Variants in NMD3 observed in about 807,000 individuals in gnomAD.
NMD3 encodes the protein NMD3 ribosome export adaptor.
Under a neutral mutation model 73.1 loss-of-function variants are expected in NMD3, and 47 were observed. The ratio of observed to expected loss-of-function variants is 0.64; its 90% CI spans 0.51 to 0.82. The LOEUF is 0.82. NMD3 is among the 40% of genes least tolerant of loss of function. The pLI is 0.00. For missense variants in NMD3, 554 were observed against 612.5 expected (o/e 0.90, Z 1.01); for synonymous variants, 210 against 194.5 (o/e 1.08, Z -0.66).
rs1233424071 is a variant in NMD3, at chr3:161,251,120, T to C, written c.*210T>C. On this transcript the variant is annotated 3_prime_UTR_variant, in exon 16 of 16. Coordinates refer to ENST00000351193, the MANE Select transcript of NMD3 (RefSeq NM_015938.5). ...TAAGGAAAGATTATGGAGAATGTAGTTGTTATTGATTTTTGGCAATTTTAC... is the reference window on the plus strand; with the variant it reads ...TAAGGAAAGATTATGGAGAATGTAGCTGTTATTGATTTTTGGCAATTTTAC... The C allele has an allele frequency of 1.6e-5, 6 of 385,572 alleles. No homozygotes were observed. Among genetic ancestry groups the C allele is most frequent in the Admixed American group, 8.4e-5 (2 of 23,946 alleles). The allele number at this position is 385,572 out of a possible 1,614,324, so 23.9% of individuals were successfully genotyped here.
chr3:161,246,788 A>G (rs1223353247), intron 12 of NMD3, among the ~76,000 whole-genome samples: 2 of 152,332 alleles, frequency 1.3e-5, no homozygotes, highest in South Asian at 2.1e-4. Context: ...CACTTTTAAG[A>G]TATGACAACT....
At chr3:161,224,459 C>T (rs1315739729) in intron 2 of NMD3, among the ~76,000 whole-genome samples, 1 of 152,212 alleles carries the variant, frequency 6.6e-6, no homozygotes, top group South Asian at 2.1e-4. Context: ...TATTCTTTAT[C>T]TACTGCATCT....
chr3:161,246,940 T>G (rs555724240), intron 12 of NMD3, among the ~76,000 whole-genome samples: 14 of 152,072 alleles, frequency 9.2e-5, no homozygotes, highest in Admixed American at 3.3e-4. Flanking sequence ...GGTGTTTTTT[T>G]TTTGTTTGTT....
At chr3:161,229,311 T>C (rs559076605) in intron 4 of NMD3, among the ~76,000 whole-genome samples, 13 of 152,328 alleles carry the variant, frequency 8.5e-5, no homozygotes, top group Admixed American at 2.0e-4. Flanking sequence ...TGTTTAAGTT[T>C]TTGTAATAAT....
intron 7 of NMD3, 121 bp from the exon 8 acceptor site, chr3:161,237,992 T>A: frequency 1.5e-6 from 1 of 660,762 alleles, no homozygotes; most frequent in Admixed American, 3.0e-5. Context: ...GTGACTACAA[T>A]AGAGTTTTCT....
intron 4 of NMD3, among the ~76,000 whole-genome samples, chr3:161,228,031 G>A (rs1400373428): frequency 1.3e-5 from 2 of 151,718 alleles, no homozygotes; most frequent in Non-Finnish European, 2.9e-5. Context: ...AAATATTTGT[G>A]CCTGTCACTG....
At chr3:161,238,457 CT>C (rs1220491763) in intron 8 of NMD3, among the ~76,000 whole-genome samples, 12 of 152,062 alleles carry the variant, frequency 7.9e-5, no homozygotes, top group African/African-American at 2.9e-4. Context: ...GTTAGTATGG[CT>C]TTTAATAATG....
At chr3:161,229,641 G>T (rs1736457629) in intron 4 of NMD3, among the ~76,000 whole-genome samples, 1 of 152,200 alleles carries the variant, frequency 6.6e-6, no homozygotes, top group Admixed American at 6.5e-5. Flanking sequence ...TTAAGGTCAT[G>T]AATTGGATTA....
intron 13 of NMD3, 21 bp downstream of exon 13, chr3:161,247,351 CT>C: frequency 3.9e-6 from 6 of 1,531,090 alleles, no homozygotes; most frequent in Non-Finnish European, 5.4e-6. Context: ...AGATTTTTCC[CT>C]TTTTTCCTGT....
chr3:161,222,158 T>G, intron 2 of NMD3, 101 bp downstream of exon 2: 1 of 896,496 alleles, frequency 1.1e-6, no homozygotes, highest in South Asian at 1.4e-5. Context: ...GGAAAGAGCG[T>G]ATATTGTCAT....
chr3:161,252,522 C>A (rs528625688), downstream of NMD3, among the ~76,000 whole-genome samples: 23 of 152,126 alleles, frequency 1.5e-4, no homozygotes, highest in African/African-American at 5.1e-4. Context: ...GACAGGCAAA[C>A]GAATGTAGCT....
intron 13 of NMD3, among the ~76,000 whole-genome samples, chr3:161,247,679 C>T (rs2108101908): frequency 1.3e-5 from 2 of 151,346 alleles, no homozygotes; most frequent in East Asian, 3.9e-4. Flanking sequence ...ATCCCAGCTA[C>T]TTGGGAGGCT....
chr3:161,233,026 T>C (rs771171265), intron 4 of NMD3, among the ~76,000 whole-genome samples: 52 of 152,170 alleles, frequency 3.4e-4, no homozygotes, highest in Non-Finnish European at 6.8e-4. Flanking sequence ...GTGGAAACTT[T>C]TGTTCATGAG....
chr3:161,238,811 T>C lies in NMD3; in HGVS notation c.738T>C (p.Ile246=). The C allele has an allele frequency of 6.7e-7, 1 of 1,500,524 alleles. No individual in the cohort carries two copies. 93.0% of individuals were successfully genotyped at this position (1,500,524 alleles called of 1,614,324 possible). The change falls in exon 9 of 16, where the codon ATT becomes ATC. Residue 246 remains isoleucine (I), a synonymous_variant. Coordinates refer to ENST00000351193, the MANE Select transcript of NMD3 (RefSeq NM_015938.5). ...YNYKSTFSVE[I]VPICKDNVVC... Reference sequence around the variant, plus strand: ...ACAAAAGCACTTTTTCTGTGGAAATTGTTCCAATATGCAAGGTACTTTTCT... The same window carrying C: ...ACAAAAGCACTTTTTCTGTGGAAATCGTTCCAATATGCAAGGTACTTTTCT...
chr3:161,228,777 A>G (rs1239198974), intron 4 of NMD3, among the ~76,000 whole-genome samples: 1 of 152,174 alleles, frequency 6.6e-6, no homozygotes. Flanking sequence ...CGTGTATTCT[A>G]ATTGCACACT....
chr3:161,238,994 T>A lies in NMD3; in HGVS notation c.753+168T>A, dbSNP rs555551116. 2.6e-5 allele frequency among the ~76,000 whole-genome samples: 4 copies of A among 152,152 alleles called. No homozygotes were observed. In the East Asian group the frequency reaches 7.7e-4, roughly 29 times the overall value. Reference sequence around the variant, plus strand: ...AGCCATGTTAAAAGATATATATTTTTAAAAAAGTCATGCTTATAATTATGA... The same window carrying A: ...AGCCATGTTAAAAGATATATATTTTAAAAAAAGTCATGCTTATAATTATGA... On this transcript the variant is annotated intron_variant, in intron 9 of 15. Transcript: ENST00000351193.
Position 161,251,079 on chromosome 3 carries a change from G to A in NMD3, c.*169G>A, listed in dbSNP as rs1737469534. The A allele has an allele frequency of 3.9e-6, 2 of 506,948 alleles. No homozygotes were observed. The highest frequency in any genetic ancestry group is 6.2e-5 in the South Asian group (2 of 32,236). The allele number at this position is 506,948 out of a possible 1,614,324, so 31.4% of individuals were successfully genotyped here. A position where few individuals can be genotyped will look rare whatever the true frequency, so the allele number is the denominator to read the frequency against. On this transcript the variant is annotated 3_prime_UTR_variant, in exon 16 of 16. Transcript: ENST00000351193. ...CTCAAACCACTAAAACAGATGGATA[G>A]CTTTGAGGTTTTAGATAAGGAAAGA... is the stretch of plus-strand genomic sequence containing the variant.
At chr3:161,241,208 A>T (rs373619804) in intron 10 of NMD3, 45 bp downstream of exon 10, 20 of 1,062,024 alleles carry the variant, frequency 1.9e-5, no homozygotes, top group Non-Finnish European at 2.8e-5. Context: ...GTTTTGTATG[A>T]CAAACAATAA....
rs1423712349 is a variant in NMD3 at position 161,245,116 on chromosome 3, A to G, written c.1018-1220A>G. Among the ~76,000 whole-genome samples, 6 of 150,418 alleles carry G rather than the reference A, an allele frequency of 4.0e-5. No homozygotes were observed. The Admixed American group carries it at 4.0e-4, about 10-fold the overall frequency. ...AGTCTGGCTTCTTTTACTGTGAAAT[A>G]GTATCTAGAGACTCCCAGGGTACCC... On this transcript the variant is annotated intron_variant, in intron 11 of 15. Transcript: ENST00000351193.
Sources: gnomAD v4.1 joint callset for allele counts (sites outside exome capture counted in the v4.1 genomes callset) on GRCh38, gnomAD v4.1.1 for gene constraint, MANE v1.5 for transcripts, NCBI Gene and HGNC (gene_info 2026-07-23, HGNC 2026-07-21) for gene names.